The following IHO1 variants were observed in gnomAD, a reference collection of about 807,000 sequenced individuals.
The protein encoded by IHO1 is interactor of HORMAD1 protein 1.
In IHO1, 13 loss-of-function variants were observed where a neutral mutation model predicts 31.0. That is an observed-to-expected ratio of 0.42 (90% CI 0.27 to 0.67). The LOEUF is 0.67. Among genes scored for constraint, IHO1 ranks in the 30% least tolerant of loss-of-function variants. The probability of loss-of-function intolerance (pLI) is 0.24; values close to 1 mark genes in which losing one functional copy is unlikely to be tolerated. For synonymous variants in IHO1, 221 were observed against 248.4 expected, an observed-to-expected ratio of 0.89 and a Z score of 1.04; for missense variants, 599 against 687.5, an observed-to-expected ratio of 0.87 and a Z score of 1.44.
At chr3:49,244,915 T>C (rs1186765288) in intron 6 of IHO1, 182 bp downstream of exon 6, 4 of 665,762 alleles carry the variant, frequency 6.0e-6, no homozygotes, top group South Asian at 3.2e-5. Flanking sequence ...GAGGCCCACC[T>C]CTATGTGACA....
At chr3:49,253,272 A>G (rs969983112) in intron 6 of IHO1, among the ~76,000 whole-genome samples, 2 of 151,838 alleles carry the variant, frequency 1.3e-5, no homozygotes, top group Non-Finnish European at 2.9e-5. Context: ...TTAAAATACA[A>G]TTAATAGCTG....
chr3:49,256,915 C>T lies in IHO1; in HGVS notation c.1418C>T (p.Ser473Phe). 1 of 1,614,212 alleles carries T rather than the reference C, an allele frequency of 6.2e-7. No individual in the cohort carries two copies. Among genetic ancestry groups the T allele is most frequent in the Non-Finnish European group, 8.5e-7 (1 of 1,180,036 alleles). ...QIPIQTCKFN[S>F]KYQSPQPAIS... The stretch of plus-strand genomic sequence containing the variant: ...CCAATCCAGACCTGTAAATTCAATT[C>T]CAAATATCAGAGTCCTCAGCCTGCA... Residue 473 changes from serine (S) to phenylalanine (F), a missense_variant, in exon 8 of 8, where the codon TCC becomes TTC. Coordinates refer to ENST00000452691, the MANE Select transcript of IHO1 (RefSeq NM_001135197.2). The surrounding 1 kb of genome is among the most constrained non-coding windows in gnomAD (Gnocchi z 4.6).
intron 1 of IHO1, among the ~76,000 whole-genome samples, chr3:49,204,684 AT>A (rs1425046354): frequency 6.6e-6 from 1 of 152,116 alleles, no homozygotes; most frequent in Non-Finnish European, 1.5e-5. Flanking sequence ...TCACAAGAAA[AT>A]TTGGAGCAAG....
At chr3:49,222,286 T>C (rs1019957899) in intron 2 of IHO1, among the ~76,000 whole-genome samples, 1 of 152,124 alleles carries the variant, frequency 6.6e-6, no homozygotes, top group African/African-American at 2.4e-5. Flanking sequence ...CAGGGAAGGA[T>C]TGGACTGGTT....
chr3:49,244,036 C>G (rs1349177735), intron 4 of IHO1, among the ~76,000 whole-genome samples: 1 of 150,980 alleles, frequency 6.6e-6, no homozygotes, highest in African/African-American at 2.4e-5. Flanking sequence ...CTCACTGCAA[C>G]CTCCGCCTCC....
At chr3:49,244,615 G>A in intron 5 of IHO1, 31 bp from the exon 6 acceptor site, 2 of 1,572,906 alleles carry the variant, frequency 1.3e-6, no homozygotes, top group South Asian at 1.1e-5. Context: ...GCAATAGCCT[G>A]TGAATTATTT....
rs1559434821 is a variant in IHO1 at position 49,200,592 on chromosome 3, C to CT, written c.-16+1020dup. On this transcript the variant is annotated intron_variant, in intron 1 of 7. Transcript: ENST00000452691. ...AGTCCATGCCAATCGGGGCGGTCCT[C>CT]TCCCCCTCACGTGTTCCTCCCTTGT... is the stretch of plus-strand genomic sequence containing the variant. The CT allele has an allele frequency of 6.1e-6, 6 of 984,444 alleles. No individual in the cohort carries two copies. The African/African-American group carries it at 1.1e-4, about 17-fold the overall frequency. The allele number at this position is 984,444 out of a possible 1,614,324, so 61.0% of individuals were successfully genotyped here.
At chr3:49,208,292 A>G (rs1406785107) in intron 1 of IHO1, among the ~76,000 whole-genome samples, 3 of 152,152 alleles carry the variant, frequency 2.0e-5, no homozygotes, top group African/African-American at 7.2e-5. Context: ...ATGGCTTGTT[A>G]GGAACCAGGC....
chr3:49,244,094 A>T (rs1020478346), intron 4 of IHO1, among the ~76,000 whole-genome samples: 1 of 151,934 alleles, frequency 6.6e-6, no homozygotes, highest in Non-Finnish European at 1.5e-5. Context: ...AGCTGGAATT[A>T]CAGGTGCCCA....
intron 1 of IHO1, chr3:49,200,001 G>T (rs1172996993): frequency 6.6e-6 from 1 of 152,260 alleles, no homozygotes; most frequent in Non-Finnish European, 1.5e-5. Context: ...AGCTCAGAGC[G>T]TGTCTCCAGG....
At chr3:49,202,329 T>A (rs1035756682) in intron 1 of IHO1, among the ~76,000 whole-genome samples, 2 of 149,530 alleles carry the variant, frequency 1.3e-5, no homozygotes, top group Non-Finnish European at 3.0e-5. Context: ...TTTAATTTTT[T>A]TTTTTTTTTT....
intron 4 of IHO1, among the ~76,000 whole-genome samples, chr3:49,242,034 C>T (rs2046638364): frequency 6.6e-6 from 1 of 152,048 alleles, no homozygotes; most frequent in South Asian, 2.1e-4. Context: ...ACATCCGCCT[C>T]CTGGGTTCAA....
chr3:49,254,916 T>C (rs1335626494), intron 6 of IHO1, among the ~76,000 whole-genome samples: 1 of 151,680 alleles, frequency 6.6e-6, no homozygotes, highest in Non-Finnish European at 1.5e-5. Context: ...ATACAAAAAT[T>C]AGCAGGGCAT....
chr3:49,236,851 G>A lies in IHO1; in HGVS notation c.231+129G>A, dbSNP rs367877090. ...AATCCCTGCACTTGGGGAGGCTGAG[G>A]CAAGTGGATCCCTTGAGCCCAGGAG... On this transcript the variant is annotated intron_variant, in intron 3 of 7. Coordinates refer to ENST00000452691, the MANE Select transcript of IHO1 (RefSeq NM_001135197.2). The A allele has an allele frequency of 7.5e-5, 60 of 803,322 alleles. 1 individual carries two copies. In the East Asian group the frequency reaches 9.9e-4, roughly 13 times the overall value. 49.8% of individuals were successfully genotyped at this position (803,322 alleles called of 1,614,324 possible). A position where few individuals can be genotyped will look rare whatever the true frequency, so the allele number is the denominator to read the frequency against.
chr3:49,195,435 A>G (rs1170964331), upstream of IHO1, among the ~76,000 whole-genome samples: 2 of 120,116 alleles, frequency 1.7e-5, no homozygotes, highest in Non-Finnish European at 3.5e-5. Flanking sequence ...AAAAAAAAAG[A>G]GGCCAGTCGT....
At chr3:49,238,901 C>G (rs1467868750) in intron 3 of IHO1, among the ~76,000 whole-genome samples, 5 of 152,172 alleles carry the variant, frequency 3.3e-5, no homozygotes, top group Non-Finnish European at 7.3e-5. Flanking sequence ...GGAGCACATT[C>G]CTTGAGGGCT....
At chr3:49,197,824 A>T (rs2046009990), upstream of IHO1, among the ~76,000 whole-genome samples, 1 of 151,376 alleles carries the variant, frequency 6.6e-6, no homozygotes, top group Non-Finnish European at 1.5e-5. Context: ...TGGTGAGCCG[A>T]GATTGTGCCA....
intron 2 of IHO1, among the ~76,000 whole-genome samples, chr3:49,220,692 C>T (rs1258286706): frequency 6.6e-6 from 1 of 152,026 alleles, no homozygotes; most frequent in Non-Finnish European, 1.5e-5. Context: ...CACAGTGAAA[C>T]CCCATCTCTA....
At chr3:49,220,994 A>C (rs1575572666) in intron 2 of IHO1, among the ~76,000 whole-genome samples, 1 of 152,260 alleles carries the variant, frequency 6.6e-6, no homozygotes. Flanking sequence ...CATTTATTCC[A>C]TAATTTGGCC....
Sources: gnomAD v4.1 joint callset for allele counts (sites outside exome capture counted in the v4.1 genomes callset) on GRCh38, gnomAD v4.1.1 for gene constraint, Gnocchi (gnomAD v3.1) non-coding constraint, MANE v1.5 for transcripts, NCBI Gene and HGNC (gene_info 2026-07-23, HGNC 2026-07-21) for gene names.